Variants in KDM3A observed in about 807,000 individuals in gnomAD.
The protein encoded by KDM3A is lysine demethylase 3A.
Under a neutral mutation model 158.0 loss-of-function variants are expected in KDM3A, and 60 were observed. The observed-to-expected ratio is 0.38, with a 90% CI of 0.31 to 0.47. KDM3A has a LOEUF of 0.47. Among genes scored for constraint, KDM3A ranks in the 20% least tolerant of loss-of-function variants. The pLI is 0.99. For synonymous variants in KDM3A, 608 were observed against 549.3 expected, an observed-to-expected ratio of 1.11 and a Z score of -1.49; for missense variants, 1,319 against 1,574.3, an observed-to-expected ratio of 0.84 and a Z score of 2.74.
chr2:86,450,059 A>G, intron 3 of KDM3A, 97 bp downstream of exon 3: 2 of 1,304,032 alleles, frequency 1.5e-6, no homozygotes, highest in Non-Finnish European at 2.1e-6. Flanking sequence ...AGAAAGTCAG[A>G]AAAGCTCCCA....
intron 1 of KDM3A, 140 bp downstream of exon 1, chr2:86,441,584 G>A (rs1306827543): frequency 6.6e-6 from 1 of 150,968 alleles, no homozygotes; most frequent in Non-Finnish European, 1.5e-5. Flanking sequence ...GCTGGGCGCC[G>A]GGGCGGGGCG....
chr2:86,470,198 T>G lies in KDM3A; in HGVS notation c.1520-6T>G. 6.2e-7 allele frequency: 1 copy of G among 1,613,668 alleles called. No homozygotes were observed. Among genetic ancestry groups the G allele is most frequent in the Non-Finnish European group, 8.5e-7 (1 of 1,179,804 alleles). ...GTCCTGTCTCCTTAATCTTTTGTTT[T>G]CCTAGCCCCATCCAGGAAGTCGGTT... On this transcript the variant is annotated splice_region_variant and splice_polypyrimidine_tract_variant and intron_variant, in intron 10 of 25. Coordinates refer to ENST00000312912, the MANE Select transcript of KDM3A (RefSeq NM_018433.6).
chr2:86,476,215 T>G (rs1288562863), intron 12 of KDM3A, among the ~76,000 whole-genome samples: 1 of 152,256 alleles, frequency 6.6e-6, no homozygotes, highest in African/African-American at 2.4e-5. Flanking sequence ...GTAACTGGTC[T>G]GGCAGTGGTA....
At chr2:86,467,588 A>G (rs1257380683) in intron 10 of KDM3A, among the ~76,000 whole-genome samples, 1 of 152,210 alleles carries the variant, frequency 6.6e-6, no homozygotes, top group Non-Finnish European at 1.5e-5. Context: ...ATGCATTATA[A>G]TGGTGGTAGT....
chr2:86,462,477 G>A (rs1333751970), intron 8 of KDM3A, among the ~76,000 whole-genome samples: 2 of 152,054 alleles, frequency 1.3e-5, no homozygotes, highest in Non-Finnish European at 2.9e-5. Context: ...ACAAGCAAAA[G>A]GGACTTTAGG....
At chr2:86,489,682 G>T in intron 23 of KDM3A, 23 bp downstream of exon 23, 3 of 1,596,276 alleles carry the variant, frequency 1.9e-6, no homozygotes, top group South Asian at 2.2e-5. Flanking sequence ...TGGCATGTGT[G>T]AACAGAGGCA....
Position 86,455,069 on chromosome 2 carries a change from A to G in KDM3A, c.454-16A>G. ...TAACTGTTACCCTTAACATGTAATG[A>G]TCTTTCATTTTTCAGGATGTAAACA... On this transcript the variant is annotated splice_polypyrimidine_tract_variant and intron_variant, in intron 4 of 25. Transcript: ENST00000312912. 1 of 1,418,756 alleles carries G rather than the reference A, an allele frequency of 7.0e-7. No individual in the cohort carries two copies. The highest frequency in any genetic ancestry group is 9.8e-7 in the Non-Finnish European group (1 of 1,022,238). The allele number at this position is 1,418,756 out of a possible 1,614,324, so 87.9% of individuals were successfully genotyped here.
intron 25 of KDM3A, 183 bp from the exon 26 acceptor site, chr2:86,491,842 GAAATCATGGGTTTA>G: frequency 1.8e-6 from 1 of 567,014 alleles, no homozygotes; most frequent in Non-Finnish European, 3.1e-6. Flanking sequence ...ATGAGTTCTT[GAAATCATGGGTTTA>G]AAATGTATGT....
intron 21 of KDM3A, chr2:86,488,091 C>T (rs1055526387): frequency 6.8e-4 from 103 of 151,108 alleles, no homozygotes; most frequent in African/African-American, 2.2e-3. Flanking sequence ...TATTCCTGCA[C>T]AATATTCTTT....
At chr2:86,462,307 A>G (rs1020386915) in intron 8 of KDM3A, among the ~76,000 whole-genome samples, 2 of 152,124 alleles carry the variant, frequency 1.3e-5, no homozygotes, top group South Asian at 4.1e-4. Context: ...GAGTGAGGAA[A>G]GGTATTAGTG....
Position 86,492,176 on chromosome 2 carries a change from T to C in KDM3A, c.*57T>C, listed in dbSNP as rs1441383200. The C allele has an allele frequency of 4.6e-6, 6 of 1,301,430 alleles. No individual in the cohort carries two copies. Among genetic ancestry groups the C allele is most frequent in the Non-Finnish European group, 6.7e-6 (6 of 901,846 alleles). 80.6% of individuals were successfully genotyped at this position (1,301,430 alleles called of 1,614,324 possible). A position where few individuals can be genotyped will look rare whatever the true frequency, so the allele number is the denominator to read the frequency against. ...AGCTGTTCAAACTCTTCAGGCAGGA[T>C]TCCTGTGGACTTTGAGATTCATGTT... is the stretch of plus-strand genomic sequence containing the variant. On this transcript the variant is annotated 3_prime_UTR_variant, in exon 26 of 26. Coordinates refer to ENST00000312912, the MANE Select transcript of KDM3A (RefSeq NM_018433.6).
rs370785506 is a variant in KDM3A, at chr2:86,445,550, C to T, written c.186+3317C>T. On this transcript the variant is annotated intron_variant, in intron 2 of 25. Transcript: ENST00000312912. ...TTGTCCTTTTTTCTTTGAAGCCTAC[C>T]TGTTTCTTGCGTCTAATGCCCCTTC... Among the ~76,000 whole-genome samples, 16 of 152,244 alleles carry T rather than the reference C, an allele frequency of 1.1e-4. 1 individual carries two copies. The East Asian group carries it at 1.2e-3, about 11-fold the overall frequency.
At chr2:86,469,386 A>G (rs1206503747) in intron 10 of KDM3A, among the ~76,000 whole-genome samples, 1 of 152,154 alleles carries the variant, frequency 6.6e-6, no homozygotes, top group Non-Finnish European at 1.5e-5. Context: ...CCCTAAGAAA[A>G]GGTCTTTTCT....
chr2:86,465,641 T>A (rs1291324282), intron 9 of KDM3A, among the ~76,000 whole-genome samples: 1 of 152,134 alleles, frequency 6.6e-6, no homozygotes, highest in Non-Finnish European at 1.5e-5. Flanking sequence ...ACTCCTGGCC[T>A]CTAGCAGTCC....
intron 9 of KDM3A, 39 bp downstream of exon 9, chr2:86,464,255 TA>T: frequency 7.3e-7 from 1 of 1,367,976 alleles, no homozygotes; most frequent in Non-Finnish European, 9.7e-7. Flanking sequence ...ATTATAATAA[TA>T]AAAAATTATT....
At chr2:86,461,295 C>T (rs1276396165) in intron 8 of KDM3A, among the ~76,000 whole-genome samples, 1 of 152,178 alleles carries the variant, frequency 6.6e-6, no homozygotes, top group Non-Finnish European at 1.5e-5. Context: ...TTCCCTCCTT[C>T]CCTCTGTTCC....
At position 86,449,931 on chromosome 2, in the gene KDM3A, T is replaced by C; in HGVS notation, c.311T>C (p.Ile104Thr). The C allele has an allele frequency of 6.2e-7, 1 of 1,613,748 alleles. No homozygotes were observed. Among genetic ancestry groups the C allele is most frequent in the South Asian group, 1.1e-5 (1 of 91,074 alleles). Residue 104 changes from isoleucine to threonine, a missense_variant, in exon 3 of 26, where the codon ATT becomes ACT. This residue lies in a region of KDM3A where 652 missense variants were observed against 627.2 expected (regional missense o/e 1.04). Coordinates refer to ENST00000312912, the MANE Select transcript of KDM3A (RefSeq NM_018433.6). ...TTAGCTGAACGAAAGTCACCTGAAATTTCTGAACGAATTGTACAGTGGCCT... is the reference window on the plus strand; with the variant it reads ...TTAGCTGAACGAAAGTCACCTGAAACTTCTGAACGAATTGTACAGTGGCCT... ...LVLAERKSPE[I>T]SERIVQWPAI... is the part of the protein sequence containing the mutation.
upstream of KDM3A, among the ~76,000 whole-genome samples, chr2:86,439,155 A>G (rs1043505863): frequency 5.9e-5 from 9 of 152,042 alleles, no homozygotes; most frequent in African/African-American, 2.2e-4. Context: ...TTAGTTTTCT[A>G]TGTAATTTAA....
intron 12 of KDM3A, among the ~76,000 whole-genome samples, chr2:86,477,009 T>C (rs1488935903): frequency 6.6e-6 from 1 of 152,206 alleles, no homozygotes; most frequent in Non-Finnish European, 1.5e-5. Flanking sequence ...CCCACAGAAA[T>C]GTCCTCCCTT....
Sources: gnomAD v4.1 joint callset for allele counts (sites outside exome capture counted in the v4.1 genomes callset) on GRCh38, gnomAD v4.1.1 for gene constraint, gnomAD v4.1.1 regional missense constraint, MANE v1.5 for transcripts, NCBI Gene and HGNC (gene_info 2026-07-23, HGNC 2026-07-21) for gene names.